LPIN2: variants seen among roughly 807,000 people sequenced by gnomAD.
LPIN2 encodes phosphatidate phosphatase LPIN2.
LPIN2 carries 55 observed loss-of-function variants against 111.4 expected under a neutral mutation model. The observed-to-expected ratio is 0.49, with a 90% CI of 0.40 to 0.62. The LOEUF (loss-of-function observed/expected upper bound fraction) is 0.62, where lower values mean the gene tolerates loss of function less well. Among genes scored for constraint, LPIN2 ranks in the 20% least tolerant of loss-of-function variants. The pLI is 0.00. For missense variants in LPIN2, 992 were observed against 1,112.1 expected, an observed-to-expected ratio of 0.89 and a Z score of 1.54; for synonymous variants, 425 against 414.0, an observed-to-expected ratio of 1.03 and a Z score of -0.32.
intron 18 of LPIN2, 129 bp downstream of exon 18, chr18:2,921,404 G>C: frequency 1.3e-6 from 1 of 752,086 alleles, no homozygotes; most frequent in Non-Finnish European, 2.4e-6. Flanking sequence ...AGTGAAAACC[G>C]AACAAGCAGA....
intron 1 of LPIN2, among the ~76,000 whole-genome samples, chr18:2,987,443 A>G (rs1173052512): frequency 6.6e-6 from 1 of 152,246 alleles, no homozygotes; most frequent in African/African-American, 2.4e-5. Context: ...AGAAAATATA[A>G]GTGAAAATTA....
Position 2,934,404 on chromosome 18 carries a change from A to C in LPIN2, c.1215T>G (p.Leu405=). Residue 405 remains leucine (L), a synonymous_variant, in exon 8 of 20, where the codon CTT becomes CTG. Coordinates refer to ENST00000677752, the MANE Select transcript of LPIN2 (RefSeq NM_001375808.2). ...CAGGTTCTAGACCCTTTAAGTCATC[A>C]AGGTAAATATCATCAGGTCCCTGGT... ...SQHQGPDDIY[L]DDLKGLEPEV... 1 of 1,613,978 alleles carries C rather than the reference A, an allele frequency of 6.2e-7. No individual in the cohort carries two copies. The highest frequency in any genetic ancestry group is 8.5e-7 in the Non-Finnish European group (1 of 1,179,920).
intron 1 of LPIN2, among the ~76,000 whole-genome samples, chr18:2,977,603 A>C (rs1305322718): frequency 6.6e-6 from 1 of 152,226 alleles, no homozygotes; most frequent in Admixed American, 6.5e-5. Context: ...GGAAATGCTC[A>C]AAATCAAAAG....
intron 4 of LPIN2, among the ~76,000 whole-genome samples, chr18:2,944,295 A>G (rs1363711810): frequency 7.6e-6 from 1 of 131,798 alleles, no homozygotes; most frequent in Non-Finnish European, 1.6e-5. Flanking sequence ...GCAACTCCAT[A>G]TATTTAGTTT....
rs777104050 is a variant in LPIN2, at chr18:2,925,264, G to C, written c.1898C>G (p.Thr633Ser). 1 of 1,614,184 alleles carries C rather than the reference G, an allele frequency of 6.2e-7. No individual in the cohort carries two copies. The highest frequency in any genetic ancestry group is 8.5e-7 in the Non-Finnish European group (1 of 1,180,018). ...GAGGCGGAGAGACTTCTTATATGAA[G>C]TTGTGCTGCCGTGGCTCAGGGGCTC... ...PTEPLSHGST[T>S]SYKKSLRLSS... The change falls in exon 14 of 20, where the codon ACT (threonine) becomes AGT (serine). Residue 633 changes from threonine (T) to serine (S), a missense_variant. Transcript: ENST00000677752. This position sits in a 1 kb window ranked among gnomAD's most constrained non-coding sequence, Gnocchi z 4.1.
chr18:2,971,790 G>C (rs909689008), intron 1 of LPIN2, among the ~76,000 whole-genome samples: 7 of 149,576 alleles, frequency 4.7e-5, no homozygotes, highest in South Asian at 2.1e-4. Flanking sequence ...GCTCACGACT[G>C]TAATCCCAGC....
intron 1 of LPIN2, among the ~76,000 whole-genome samples, chr18:2,968,379 TCA>T (rs1037876812): frequency 6.6e-6 from 1 of 152,216 alleles, no homozygotes; most frequent in African/African-American, 2.4e-5. Flanking sequence ...AGTTCAGTTT[TCA>T]CACAGTCAAA....
At position 2,980,997 on chromosome 18, in the gene LPIN2, C is replaced by CA. The variant is rs563076021; in HGVS notation, c.-9-20149dup. 5.9e-5 allele frequency among the ~76,000 whole-genome samples: 9 copies of CA among 152,288 alleles called. No individual in the cohort carries two copies. The South Asian group carries it at 1.9e-3, about 32-fold the overall frequency. Reference sequence around the variant, plus strand: ...CCTTAGCAAATAAAGGTATTGTCTTCACTTGTTTCAAAAAATATGAAAACA... The same window carrying CA: ...CCTTAGCAAATAAAGGTATTGTCTTCAACTTGTTTCAAAAAATATGAAAACA... On this transcript the variant is annotated intron_variant, in intron 1 of 19. Coordinates refer to ENST00000677752, the MANE Select transcript of LPIN2 (RefSeq NM_001375808.2).
chr18:2,934,134 T>C (rs971580482), intron 8 of LPIN2, among the ~76,000 whole-genome samples: 1 of 152,222 alleles, frequency 6.6e-6, no homozygotes, highest in Non-Finnish European at 1.5e-5. Flanking sequence ...TCTCTCCTCA[T>C]TGTATTGAAA....
chr18:2,946,834 GTCA>G (rs1321573486), intron 4 of LPIN2: 23 of 388,282 alleles, frequency 5.9e-5, no homozygotes, highest in Non-Finnish European at 1.0e-4. Flanking sequence ...CACAGTACGA[GTCA>G]ACGAATTTCA....
chr18:2,955,571 G>A (rs1170365619), intron 2 of LPIN2, among the ~76,000 whole-genome samples: 1 of 152,170 alleles, frequency 6.6e-6, no homozygotes, highest in Non-Finnish European at 1.5e-5. Flanking sequence ...GAGACTTGGA[G>A]GGGACATCCA....
intron 1 of LPIN2, among the ~76,000 whole-genome samples, chr18:2,963,680 T>C (rs574887185): frequency 6.6e-6 from 1 of 151,926 alleles, no homozygotes; most frequent in East Asian, 1.9e-4. Context: ...GCAGGCTCAT[T>C]TGGAGATGCC....
At chr18:3,004,620 C>G (rs117409104) in intron 1 of LPIN2, among the ~76,000 whole-genome samples, 1 of 152,096 alleles carries the variant, frequency 6.6e-6, no homozygotes, top group Non-Finnish European at 1.5e-5. Context: ...GTCAAAATTA[C>G]GAGGGAAAAT....
At chr18:2,927,605 A>G (rs767528914) in intron 12 of LPIN2, 117 bp downstream of exon 12, 2 of 1,049,192 alleles carry the variant, frequency 1.9e-6, no homozygotes, top group Non-Finnish European at 2.9e-6. Context: ...GGAAACTGCT[A>G]TATGGTAAAA....
chr18:2,954,474 G>T (rs768590083), intron 3 of LPIN2, 30 bp downstream of exon 3: 1 of 1,521,014 alleles, frequency 6.6e-7, no homozygotes, highest in Non-Finnish European at 9.1e-7. Context: ...AGCACACTGT[G>T]TAAGGAGGGT....
At chr18:2,960,129 C>T (rs988546673) in intron 2 of LPIN2, among the ~76,000 whole-genome samples, 1 of 150,930 alleles carries the variant, frequency 6.6e-6, no homozygotes, top group East Asian at 1.9e-4. Flanking sequence ...AAGATCACAC[C>T]GCTGTACTCC....
At chr18:2,962,470 T>C (rs1310874147) in intron 1 of LPIN2, among the ~76,000 whole-genome samples, 2 of 152,106 alleles carry the variant, frequency 1.3e-5, no homozygotes, top group African/African-American at 4.8e-5. Flanking sequence ...TCAATAATCA[T>C]TTATTGAATG....
chr18:2,949,039 G>A (rs759984148), intron 4 of LPIN2, among the ~76,000 whole-genome samples: 1 of 152,120 alleles, frequency 6.6e-6, no homozygotes, highest in Non-Finnish European at 1.5e-5. Context: ...CTGACCTCAG[G>A]TGATCCTCCC....
chr18:2,943,814 G>A (rs769843540), intron 4 of LPIN2, among the ~76,000 whole-genome samples: 15 of 152,244 alleles, frequency 9.9e-5, no homozygotes, highest in South Asian at 4.1e-4. Flanking sequence ...CTGGTTGCCA[G>A]ATCTTTTTGT....
Sources: gnomAD v4.1 joint callset for allele counts (sites outside exome capture counted in the v4.1 genomes callset) on GRCh38, gnomAD v4.1.1 for gene constraint, Gnocchi (gnomAD v3.1) non-coding constraint, MANE v1.5 for transcripts, NCBI Gene and HGNC (gene_info 2026-07-23, HGNC 2026-07-21) for gene names.